The following TBL1X variants were observed in gnomAD, a reference collection of about 807,000 sequenced individuals.
TBL1X encodes the protein F-box-like/WD repeat-containing protein TBL1X.
TBL1X carries 10 observed loss-of-function variants against 50.7 expected under a neutral mutation model. That is an observed-to-expected ratio of 0.20 (90% confidence interval 0.12 to 0.33). The LOEUF is 0.33. TBL1X is among the 10% of genes least tolerant of loss of function. TBL1X has a pLI of 1.00. For missense variants in TBL1X, 340 were observed against 504.4 expected (o/e 0.67, Z 3.12); for synonymous variants, 190 against 214.7 (o/e 0.88, Z 1.01).
At chrX:9,650,344 CT>C (rs1273403697) in intron 3 of TBL1X, among the ~76,000 whole-genome samples, 48 of 108,244 alleles carry the variant, frequency 4.4e-4, no homozygotes, top group East Asian at 1.4e-3. Flanking sequence ...AACAGGCTTG[CT>C]TTTTTTTTTC....
chrX:9,565,787 T>C (rs1400963339), intron 2 of TBL1X, among the ~76,000 whole-genome samples: 3 of 110,253 alleles, frequency 2.7e-5, no homozygotes, highest in African/African-American at 9.9e-5. Context: ...GTCGTGATGG[T>C]GCCACTGCAC....
intron 2 of TBL1X, among the ~76,000 whole-genome samples, chrX:9,509,693 C>T (rs1011152162): frequency 1.3e-4 from 14 of 108,762 alleles, no homozygotes; most frequent in Non-Finnish European, 2.5e-4. Flanking sequence ...ACCATGTTGC[C>T]CAGGCTGGTC....
intron 2 of TBL1X, among the ~76,000 whole-genome samples, chrX:9,576,786 C>T (rs1310754298): frequency 1.9e-5 from 2 of 107,953 alleles, no homozygotes; most frequent in Non-Finnish European, 3.8e-5. Flanking sequence ...ATCGCTTGAG[C>T]CCAGGAGTTT....
chrX:9,571,451 A>G (rs1048728590), intron 2 of TBL1X, among the ~76,000 whole-genome samples: 1 of 112,255 alleles, frequency 8.9e-6, no homozygotes, highest in Admixed American at 9.4e-5. Flanking sequence ...TAAGATAGCC[A>G]TATGCACAAT....
intron 2 of TBL1X, among the ~76,000 whole-genome samples, chrX:9,602,942 CGTT>C (rs1490985697): frequency 8.9e-6 from 1 of 112,439 alleles, no homozygotes; most frequent in Admixed American, 9.4e-5. Context: ...TGGGAGCAGT[CGTT>C]GTGAACGAGA....
Position 9,709,910 on chromosome X carries a change from G to A in TBL1X, c.1439+150G>A, listed in dbSNP as rs2083234832. ...GAAGGGGCCAGGATAGAATTACCGA[G>A]TAACACCTGCCTTTGAGGTAAGGAT... On this transcript the variant is annotated intron_variant, in intron 15 of 17. Coordinates refer to ENST00000645353, the MANE Select transcript of TBL1X (RefSeq NM_005647.4). 3.8e-6 allele frequency: 3 copies of A among 792,623 alleles called. No homozygotes were observed. In the East Asian group the frequency reaches 1.1e-4, roughly 28 times the overall value. 65.3% of individuals were successfully genotyped at this position (792,623 alleles called of 1,213,427 possible).
intron 2 of TBL1X, among the ~76,000 whole-genome samples, chrX:9,575,514 ATGT>A (rs2082406794): frequency 9.0e-6 from 1 of 111,599 alleles, no homozygotes; most frequent in Non-Finnish European, 1.9e-5. Flanking sequence ...GGGTTCACTC[ATGT>A]TGTCCCCTGT....
chrX:9,534,569 T>TA (rs1173014113), intron 2 of TBL1X, among the ~76,000 whole-genome samples: 93 of 107,808 alleles, frequency 8.6e-4, no homozygotes, highest in African/African-American at 2.1e-3. Flanking sequence ...TACCCTAATT[T>TA]AAAAAAAAAA....
At chrX:9,621,018 G>A (rs959767762) in intron 2 of TBL1X, among the ~76,000 whole-genome samples, 4 of 111,988 alleles carry the variant, frequency 3.6e-5, no homozygotes, top group African/African-American at 9.7e-5. Context: ...ATGTGAGCAC[G>A]GAGTGGGAGG....
chrX:9,524,515 G>A (rs769404529), intron 2 of TBL1X, among the ~76,000 whole-genome samples: 8 of 111,749 alleles, frequency 7.2e-5, no homozygotes, highest in Non-Finnish European at 1.5e-4. Flanking sequence ...TTCACTCAGC[G>A]TACTGTCCTC....
chrX:9,504,473 C>T (rs1428389041), intron 2 of TBL1X, among the ~76,000 whole-genome samples: 1 of 112,101 alleles, frequency 8.9e-6, no homozygotes, highest in Admixed American at 9.5e-5. Context: ...CAGAAGTAGG[C>T]TTCAGAAGAT....
intron 1 of TBL1X, among the ~76,000 whole-genome samples, chrX:9,486,394 T>C (rs1461303539): frequency 9.1e-6 from 1 of 109,838 alleles, no homozygotes; most frequent in Non-Finnish European, 1.9e-5. Context: ...CCACCACACC[T>C]GGTTAATTTT....
At chrX:9,640,217 A>C (rs1038735430) in intron 2 of TBL1X, 56 bp from the exon 3 acceptor site, 2 of 112,293 alleles carry the variant, frequency 1.8e-5, no homozygotes, top group Admixed American at 1.9e-4. Context: ...TTGAGAGGTA[A>C]ACACACCCCA....
intron 1 of TBL1X, among the ~76,000 whole-genome samples, chrX:9,485,853 G>C (rs146100052): frequency 1.1e-3 from 123 of 112,090 alleles, no homozygotes; most frequent in African/African-American, 3.7e-3. Context: ...ACAAGCCTTG[G>C]AGCAGCTAGG....
At chrX:9,578,604 C>T (rs1281574554) in intron 2 of TBL1X, among the ~76,000 whole-genome samples, 1 of 111,706 alleles carries the variant, frequency 9.0e-6, no homozygotes, top group Non-Finnish European at 1.9e-5. Flanking sequence ...ATAAGACAAG[C>T]GTCCCCCTGT....
chrX:9,670,178 A>G (rs1162958333), intron 5 of TBL1X, among the ~76,000 whole-genome samples: 1 of 111,426 alleles, frequency 9.0e-6, no homozygotes, highest in Non-Finnish European at 1.9e-5. Context: ...AGATAGCATC[A>G]CTGTTGTAGA....
At chrX:9,610,533 A>G (rs73632607) in intron 2 of TBL1X, among the ~76,000 whole-genome samples, 7,582 of 111,713 alleles carry the variant, frequency 0.068, 243 homozygotes, top group Middle Eastern at 0.13. Context: ...GAAGCACTGA[A>G]CTGTCTTATG....
intron 2 of TBL1X, among the ~76,000 whole-genome samples, chrX:9,614,618 A>C (rs1189172016): frequency 8.9e-6 from 1 of 111,860 alleles, no homozygotes; most frequent in Non-Finnish European, 1.9e-5. Flanking sequence ...TCTGACTTGG[A>C]AGGGAGCCAG....
chrX:9,607,104 C>T (rs781461012), intron 2 of TBL1X, among the ~76,000 whole-genome samples: 2 of 112,311 alleles, frequency 1.8e-5, no homozygotes, highest in Non-Finnish European at 3.8e-5. Flanking sequence ...TCTGTCCACT[C>T]GTTCATTGGG....
Sources: allele counts gnomAD v4.1 joint callset (sites outside exome capture counted in the v4.1 genomes callset), GRCh38; gene constraint gnomAD v4.1.1; transcripts MANE v1.5; gene names NCBI Gene and HGNC (gene_info 2026-07-23, HGNC 2026-07-21).